The following FRMD5 variants were observed in gnomAD, a reference collection of about 807,000 sequenced individuals.
FRMD5 encodes FERM domain containing 5, also known as FERM domain-containing protein 5.
In FRMD5, 20 loss-of-function variants were observed where a neutral mutation model predicts 69.0. That is an observed-to-expected ratio of 0.29 (90% confidence interval 0.20 to 0.42). The LOEUF (loss-of-function observed/expected upper bound fraction) is 0.42, where lower values mean the gene tolerates loss of function less well. Among genes scored for constraint, FRMD5 ranks in the 10% least tolerant of loss-of-function variants. The pLI, the probability that FRMD5 is intolerant of heterozygous loss-of-function variation, is 1.00. For missense variants in FRMD5, 595 were observed against 708.6 expected (o/e 0.84, Z 1.82); for synonymous variants, 271 against 260.1 (o/e 1.04, Z -0.40).
At chr15:44,176,502 A>C (rs1048466945) in intron 1 of FRMD5, among the ~76,000 whole-genome samples, 13 of 152,196 alleles carry the variant, frequency 8.5e-5, no homozygotes, top group Admixed American at 1.3e-4. Context: ...CACCAAAAGC[A>C]CAAGCAATAA....
At chr15:43,989,975 G>A (rs1889591965) in intron 1 of FRMD5, 9 of 1,023,674 alleles carry the variant, frequency 8.8e-6, no homozygotes, top group Non-Finnish European at 1.4e-5. Flanking sequence ...TGCTTGATGG[G>A]GTACTTCAGG....
intron 1 of FRMD5, among the ~76,000 whole-genome samples, chr15:44,032,576 T>C (rs953647448): frequency 3.3e-5 from 5 of 152,064 alleles, no homozygotes; most frequent in Non-Finnish European, 7.4e-5. Flanking sequence ...AAGACATACA[T>C]GCAGCCAACA....
intron 1 of FRMD5, among the ~76,000 whole-genome samples, chr15:44,027,639 GTTTTTTTTTTTGT>G (rs1227034562): frequency 2.0e-3 from 55 of 27,054 alleles, no homozygotes; most frequent in Admixed American, 8.7e-3. Context: ...TTCTTTTCTA[GTTTTTTTTTTTGT>G]TTTTTTTTTT....
At chr15:43,928,540 G>A (rs1447823925) in intron 1 of FRMD5, among the ~76,000 whole-genome samples, 1 of 152,196 alleles carries the variant, frequency 6.6e-6, no homozygotes, top group Admixed American at 6.5e-5. Context: ...CAAGCCAACG[G>A]CAGGGGCAAG....
At chr15:44,011,002 A>G (rs574408803) in intron 1 of FRMD5, among the ~76,000 whole-genome samples, 4 of 152,256 alleles carry the variant, frequency 2.6e-5, no homozygotes, top group African/African-American at 9.6e-5. Context: ...AAATATGAAC[A>G]CTAATAACTG....
At chr15:44,148,702 G>A (rs971748787) in intron 1 of FRMD5, among the ~76,000 whole-genome samples, 2 of 152,222 alleles carry the variant, frequency 1.3e-5, no homozygotes, top group Non-Finnish European at 2.9e-5. Context: ...TTTAATTACA[G>A]TATGTACATT....
chr15:44,086,365 A>C (rs1383827830), intron 1 of FRMD5, among the ~76,000 whole-genome samples: 1 of 152,272 alleles, frequency 6.6e-6, no homozygotes, highest in Admixed American at 6.5e-5. Flanking sequence ...CATGCAATGA[A>C]ATATTATTCA....
chr15:44,112,501 C>T (rs1215338678), intron 1 of FRMD5, among the ~76,000 whole-genome samples: 1 of 148,732 alleles, frequency 6.7e-6, no homozygotes, highest in African/African-American at 2.5e-5. Flanking sequence ...GAGTCTCGCT[C>T]TGTTGCCCAG....
At chr15:44,115,729 G>A (rs1392226067) in intron 1 of FRMD5, among the ~76,000 whole-genome samples, 3 of 152,174 alleles carry the variant, frequency 2.0e-5, no homozygotes, top group Non-Finnish European at 4.4e-5. Context: ...TTTCTCAAAG[G>A]AAAGAAAGCA....
intron 1 of FRMD5, among the ~76,000 whole-genome samples, chr15:44,182,458 T>C (rs1172832880): frequency 2.6e-5 from 4 of 151,260 alleles, no homozygotes; most frequent in African/African-American, 7.3e-5. Flanking sequence ...GCCTCCCAAG[T>C]AGGTGGGACT....
intron 1 of FRMD5, among the ~76,000 whole-genome samples, chr15:44,163,527 T>C (rs1045341870): frequency 4.6e-5 from 7 of 152,342 alleles, no homozygotes; most frequent in Admixed American, 3.3e-4. Flanking sequence ...CATATCAAAT[T>C]TTCCTACCAC....
intron 1 of FRMD5, among the ~76,000 whole-genome samples, chr15:43,968,559 G>A (rs1035285575): frequency 1.3e-5 from 2 of 151,910 alleles, no homozygotes; most frequent in African/African-American, 4.8e-5. Context: ...TTTCCAAGCT[G>A]GAAAGATGAC....
At chr15:43,890,647 C>T (rs2088772381) in intron 8 of FRMD5, among the ~76,000 whole-genome samples, 1 of 152,214 alleles carries the variant, frequency 6.6e-6, no homozygotes, top group South Asian at 2.1e-4. Context: ...CAAATCCTCA[C>T]ATCTTCACCC....
intron 4 of FRMD5, among the ~76,000 whole-genome samples, chr15:43,910,487 C>T (rs1453123272): frequency 6.8e-6 from 1 of 146,700 alleles, no homozygotes; most frequent in Non-Finnish European, 1.5e-5. Context: ...GTCAACCAGA[C>T]CTTTGAAATG....
chr15:44,193,117 T>A, intron 1 of FRMD5, among the ~76,000 whole-genome samples: 1 of 152,122 alleles, frequency 6.6e-6, no homozygotes, highest in East Asian at 1.9e-4. Flanking sequence ...GGGAAAAAAA[T>A]AACTATTTGC....
At chr15:44,155,999 T>G (rs1410476376) in intron 1 of FRMD5, among the ~76,000 whole-genome samples, 1 of 152,128 alleles carries the variant, frequency 6.6e-6, no homozygotes, top group South Asian at 2.1e-4. Context: ...AAAGAGCTGA[T>G]AGTCATGAAA....
chr15:44,149,551 T>C (rs897254934), intron 1 of FRMD5, among the ~76,000 whole-genome samples: 20 of 152,012 alleles, frequency 1.3e-4, no homozygotes, highest in African/African-American at 4.8e-4. Flanking sequence ...AAGACACAAG[T>C]AGGTTGAAAG....
chr15:44,083,071 C>T (rs1242780973), intron 1 of FRMD5, among the ~76,000 whole-genome samples: 2 of 151,966 alleles, frequency 1.3e-5, no homozygotes, highest in Non-Finnish European at 2.9e-5. Flanking sequence ...TTCTCAAACA[C>T]TTTCTGATTA....
chr15:43,960,507 C>G (rs925397374), intron 1 of FRMD5, among the ~76,000 whole-genome samples: 2 of 152,160 alleles, frequency 1.3e-5, no homozygotes, highest in African/African-American at 4.8e-5. Flanking sequence ...CCTCGGCCTC[C>G]CAAAGTGCTG....
Sources: gnomAD v4.1 joint callset for allele counts (sites outside exome capture counted in the v4.1 genomes callset) on GRCh38, gnomAD v4.1.1 for gene constraint, MANE v1.5 for transcripts, NCBI Gene and HGNC (gene_info 2026-07-23, HGNC 2026-07-21) for gene names.